The following GIT2 variants were observed in gnomAD, a reference collection of about 807,000 sequenced individuals.
GIT2 encodes the protein GIT ArfGAP 2.
GIT2 carries 32 observed loss-of-function variants against 100.3 expected under a neutral mutation model. The observed-to-expected ratio is 0.32, with a 90% CI of 0.24 to 0.43. The LOEUF (loss-of-function observed/expected upper bound fraction) is 0.43. Ranked by LOEUF, GIT2 falls within the 20% of genes least tolerant of loss-of-function variation. The pLI, the probability that GIT2 is intolerant of heterozygous loss-of-function variation, is 1.00. For synonymous variants in GIT2, 353 were observed against 364.1 expected (o/e 0.97, Z 0.35); for missense variants, 737 against 975.1 (o/e 0.76, Z 3.25).
At chr12:109,975,093 T>G (rs1339111675) in intron 7 of GIT2, among the ~76,000 whole-genome samples, 1 of 152,250 alleles carries the variant, frequency 6.6e-6, no homozygotes, top group Non-Finnish European at 1.5e-5. Context: ...TAGCTTTCTT[T>G]TCCTGAGCCT....
intron 9 of GIT2, among the ~76,000 whole-genome samples, chr12:109,963,402 A>G (rs1224823202): frequency 6.6e-6 from 1 of 152,244 alleles, no homozygotes; most frequent in Non-Finnish European, 1.5e-5. Context: ...AGCAACAACT[A>G]CAATGGCCAA....
chr12:109,949,703 T>C (rs958444396), intron 14 of GIT2, among the ~76,000 whole-genome samples: 1 of 152,250 alleles, frequency 6.6e-6, no homozygotes, highest in African/African-American at 2.4e-5. Flanking sequence ...TCAAGACATT[T>C]GCTTTCAGAG....
intron 17 of GIT2, 167 bp from the exon 18 acceptor site, chr12:109,938,735 T>C (rs768509624): frequency 3.6e-6 from 2 of 554,674 alleles, no homozygotes; most frequent in Non-Finnish European, 6.3e-6. Flanking sequence ...AAATCGGCTA[T>C]TTCACTCTAC....
At chr12:109,939,118 TG>T (rs1175906826) in intron 17 of GIT2, 46 bp downstream of exon 17, 1 of 1,129,600 alleles carries the variant, frequency 8.9e-7, no homozygotes, top group Non-Finnish European at 1.4e-6. Context: ...GCCAGGTCTC[TG>T]GCCCTGGGGA....
chr12:109,983,278 G>C, intron 6 of GIT2, 95 bp downstream of exon 6: 1 of 1,072,912 alleles, frequency 9.3e-7, no homozygotes, highest in Non-Finnish European at 1.4e-6. Flanking sequence ...CTTTAAAGGG[G>C]TTCAATATCA....
Position 109,933,897 on chromosome 12 carries a change from G to A in GIT2, c.2067+125C>T, listed in dbSNP as rs972580245. On this transcript the variant is annotated intron_variant, in intron 19 of 19. Coordinates refer to ENST00000355312, the MANE Select transcript of GIT2 (RefSeq NM_057169.5). The surrounding 1 kb of genome is among the most constrained non-coding windows in gnomAD (Gnocchi z 4.5). ...GTTACAGGCGTGAGCCACCACACCC[G>A]GCCTCGACTGCATATTTTAAAACTG... 3.1e-5 allele frequency: 21 copies of A among 683,900 alleles called. No individual in the cohort carries two copies. The highest frequency in any genetic ancestry group is 5.2e-4 in the Middle Eastern group (2 of 3,874). 42.4% of individuals were successfully genotyped at this position (683,900 alleles called of 1,614,324 possible).
Position 109,982,964 on chromosome 12 carries a change from GTCTA to G in GIT2, c.623+405_623+408del, listed in dbSNP as rs368173499. 1,389 of 163,458 alleles carry G rather than the reference GTCTA, an allele frequency of 8.5e-3. 28 individuals are homozygous for G. Among genetic ancestry groups the G allele is most frequent in the African/African-American group, 0.032 (1,315 of 41,550 alleles). The allele number at this position is 163,458 out of a possible 1,614,324, so 10.1% of individuals were successfully genotyped here. A position where few individuals can be genotyped will look rare whatever the true frequency, so the allele number is the denominator to read the frequency against. Reference sequence around the variant, plus strand: ...CCTGGCCTAGAGTGAGCACTTAGATGTCTACTACCCAAACCTTACAATTAACTTT... The same window carrying G: ...CCTGGCCTAGAGTGAGCACTTAGATGCTACCCAAACCTTACAATTAACTTT... On this transcript the variant is annotated intron_variant, in intron 6 of 19. Coordinates refer to ENST00000355312, the MANE Select transcript of GIT2 (RefSeq NM_057169.5).
chr12:109,934,652 T>TTACA lies in GIT2; in HGVS notation c.2004-571_2004-568dup, dbSNP rs1429946560. ...TGCCTCAGCCTCCAAAGTGCTGGGGTTACAGGTGTGAGCCACGGTGTCCAG... is the reference window on the plus strand; with the variant it reads ...TGCCTCAGCCTCCAAAGTGCTGGGGTTACATACAGGTGTGAGCCACGGTGTCCAG... On this transcript the variant is annotated intron_variant, in intron 18 of 19. Transcript: ENST00000355312. This position sits in a 1 kb window ranked among gnomAD's most constrained non-coding sequence, Gnocchi z 4.5. Among the ~76,000 whole-genome samples the TTACA allele has an allele frequency of 6.6e-6, 1 of 152,082 alleles. No individual in the cohort carries two copies. The highest frequency in any genetic ancestry group is 1.5e-5 in the Non-Finnish European group (1 of 68,014).
At position 109,940,310 on chromosome 12, in the gene GIT2, C is replaced by T. The variant is rs1313271377; in HGVS notation, c.1732-1063G>A. 4 of 152,168 alleles carry T rather than the reference C, an allele frequency of 2.6e-5. No individual in the cohort carries two copies. The South Asian group carries it at 8.3e-4, about 31-fold the overall frequency. 9.4% of individuals were successfully genotyped at this position (152,168 alleles called of 1,614,324 possible). On this transcript the variant is annotated intron_variant, in intron 16 of 19. Coordinates refer to ENST00000355312, the MANE Select transcript of GIT2 (RefSeq NM_057169.5). ...TGAACATTATTTTCCCTATTTATTT[C>T]ACCCATAATGCTTGAGAACTTCTCT...
intron 7 of GIT2, among the ~76,000 whole-genome samples, chr12:109,976,105 T>TACACAC (rs145928011): frequency 1.3e-4 from 19 of 149,132 alleles, no homozygotes; most frequent in African/African-American, 4.5e-4. Context: ...GAAATTACTA[T>TACACAC]ACACACACAC....
At position 109,948,155 on chromosome 12, in the gene GIT2, C is replaced by T. The variant is rs1239949525; in HGVS notation, c.1393-651G>A. 1 of 967,162 alleles carries T rather than the reference C, an allele frequency of 1.0e-6. No individual in the cohort carries two copies. Among genetic ancestry groups the T allele is most frequent in the Non-Finnish European group, 1.2e-6 (1 of 813,308 alleles). The allele number at this position is 967,162 out of a possible 1,614,324, so 59.9% of individuals were successfully genotyped here. ...AAAAAGAAAAAAGAGAAAACCGGAT[C>T]ATGGTAAGTTTGCTATATTAACATA... On this transcript the variant is annotated intron_variant, in intron 14 of 19. Transcript: ENST00000355312. This position sits in a 1 kb window ranked among gnomAD's most constrained non-coding sequence, Gnocchi z 4.3.
chr12:109,993,169 T>G (rs2136998660), intron 1 of GIT2, among the ~76,000 whole-genome samples: 1 of 152,290 alleles, frequency 6.6e-6, no homozygotes, highest in Non-Finnish European at 1.5e-5. Flanking sequence ...AAGGAATAAT[T>G]TCATACTTGG....
At chr12:109,980,075 T>A (rs1320209691) in intron 7 of GIT2, among the ~76,000 whole-genome samples, 1 of 152,178 alleles carries the variant, frequency 6.6e-6, no homozygotes. Context: ...TTTATTCATT[T>A]ATTTTTTAGA....
At chr12:109,954,447 G>A (rs1878826821) in intron 12 of GIT2, 1 of 152,128 alleles carries the variant, frequency 6.6e-6, no homozygotes, top group South Asian at 2.1e-4. Context: ...TTATTCTAGA[G>A]GATCTAATAC....
At chr12:109,936,271 A>G (rs1271717183) in intron 18 of GIT2, among the ~76,000 whole-genome samples, 1 of 152,130 alleles carries the variant, frequency 6.6e-6, no homozygotes, top group African/African-American at 2.4e-5. Flanking sequence ...AAAAAAAAAA[A>G]AAAGGAAATC....
upstream of GIT2, chr12:109,999,584 C>G (rs1470779317): frequency 7.3e-6 from 7 of 959,750 alleles, no homozygotes; most frequent in Admixed American, 1.0e-4. This position sits in a 1 kb window ranked among gnomAD's most constrained non-coding sequence, Gnocchi z 4.3. Flanking sequence ...ACACGCCCTA[C>G]GCTCGCTTGC....
At chr12:109,971,132 C>T (rs1455832437) in intron 7 of GIT2, among the ~76,000 whole-genome samples, 1 of 152,082 alleles carries the variant, frequency 6.6e-6, no homozygotes, top group Non-Finnish European at 1.5e-5. Flanking sequence ...ATAAAAAATC[C>T]TCAATTGAAG....
chr12:109,930,758 C>T lies in GIT2; in HGVS notation c.*2220G>A, dbSNP rs958747814. ...GTCCTCAAACATTCCAAGGAAAACA[C>T]TGCTTCACCTCCTGCAGACAGCTCA... is the stretch of plus-strand genomic sequence containing the variant. On this transcript the variant is annotated 3_prime_UTR_variant, in exon 20 of 20. Transcript: ENST00000355312. The T allele has an allele frequency of 3.3e-5, 5 of 152,270 alleles. No individual in the cohort carries two copies. Among genetic ancestry groups the T allele is most frequent in the Non-Finnish European group, 5.9e-5 (4 of 68,076 alleles). The allele number at this position is 152,270 out of a possible 1,614,324, so 9.4% of individuals were successfully genotyped here.
chr12:109,935,472 G>A (rs566733847), intron 18 of GIT2, among the ~76,000 whole-genome samples: 4 of 152,056 alleles, frequency 2.6e-5, no homozygotes, highest in South Asian at 2.1e-4. Flanking sequence ...TGCAACCTCC[G>A]CCTCCTGGCT....
Sources: gnomAD v4.1 joint callset for allele counts (sites outside exome capture counted in the v4.1 genomes callset) on GRCh38, gnomAD v4.1.1 for gene constraint, Gnocchi (gnomAD v3.1) non-coding constraint, MANE v1.5 for transcripts, NCBI Gene and HGNC (gene_info 2026-07-23, HGNC 2026-07-21) for gene names.